The following GRID2 variants were observed in gnomAD, a reference collection of about 807,000 sequenced individuals.
GRID2 encodes glutamate receptor ionotropic, delta-2.
A neutral mutation model predicts 114.8 loss-of-function variants in GRID2; 33 were observed. The ratio of observed to expected loss-of-function variants is 0.29; its 90% confidence interval spans 0.22 to 0.38. GRID2 has a LOEUF of 0.38. GRID2 is among the 10% of genes least tolerant of loss of function. The pLI, the probability that GRID2 is intolerant of heterozygous loss-of-function variation, is 1.00. For missense variants in GRID2, 1,184 were observed against 1,257.7 expected, an observed-to-expected ratio of 0.94 and a Z score of 0.89; for synonymous variants, 505 against 449.9, an observed-to-expected ratio of 1.12 and a Z score of -1.55.
intron 2 of GRID2, among the ~76,000 whole-genome samples, chr4:92,668,429 A>T (rs541713615): frequency 6.6e-6 from 1 of 151,862 alleles, no homozygotes; most frequent in African/African-American, 2.4e-5. Context: ...TACCTCTCAT[A>T]CCCATACTGA....
intron 1 of GRID2, among the ~76,000 whole-genome samples, chr4:92,415,996 G>A (rs1579323678): frequency 1.3e-5 from 2 of 151,718 alleles, no homozygotes; most frequent in Admixed American, 6.6e-5. Flanking sequence ...TTTCCATGGT[G>A]GTTGTACTAG....
intron 2 of GRID2, among the ~76,000 whole-genome samples, chr4:92,713,459 A>G (rs1314754294): frequency 1.7e-5 from 2 of 114,358 alleles, no homozygotes; most frequent in Non-Finnish European, 3.5e-5. Context: ...GTTTACATAT[A>G]TTTACATATA....
intron 13 of GRID2, among the ~76,000 whole-genome samples, chr4:93,623,729 T>C (rs900391978): frequency 2.0e-5 from 3 of 152,206 alleles, no homozygotes; most frequent in African/African-American, 4.8e-5. Flanking sequence ...GATTTTCTAT[T>C]CTTAAATACA....
At chr4:93,336,414 A>T (rs921946164) in intron 8 of GRID2, among the ~76,000 whole-genome samples, 2 of 152,212 alleles carry the variant, frequency 1.3e-5, no homozygotes, top group African/African-American at 4.8e-5. Context: ...AATAAGCCAC[A>T]TAAATCACAG....
chr4:92,322,728 C>T (rs1726380012), intron 1 of GRID2, among the ~76,000 whole-genome samples: 2 of 152,028 alleles, frequency 1.3e-5, no homozygotes, highest in African/African-American at 4.8e-5. Context: ...CTCTTTCAAT[C>T]GCCAATAATT....
At chr4:92,471,970 G>C (rs1722063741) in intron 1 of GRID2, among the ~76,000 whole-genome samples, 1 of 43,072 alleles carries the variant, frequency 2.3e-5, no homozygotes. Context: ...GTCTCGCTCT[G>C]TCGCCCAGGC....
At chr4:92,479,142 G>GA (rs1404653303) in intron 1 of GRID2, among the ~76,000 whole-genome samples, 4 of 152,170 alleles carry the variant, frequency 2.6e-5, no homozygotes, top group South Asian at 2.1e-4. Flanking sequence ...AGTGATTTCA[G>GA]AAAAAATAAT....
In GRID2 at chr4:93,314,461, GGTAGAAGCTACTTTGCT is replaced by G. The variant is rs551096443; in HGVS notation, c.1245+75974_1245+75990del. Among the ~76,000 whole-genome samples the G allele has an allele frequency of 1.7e-4, 26 of 152,122 alleles. No individual in the cohort carries two copies. The East Asian group carries it at 5.0e-3, about 29-fold the overall frequency. ...TCCATTCCTGGATCACTCTACTGCAGGTAGAAGCTACTTTGCTGTTCACTGGAACATTCTCTTTACAA... is the reference window on the plus strand; with the variant it reads ...TCCATTCCTGGATCACTCTACTGCAGGTTCACTGGAACATTCTCTTTACAA... On this transcript the variant is annotated intron_variant, in intron 8 of 15. Coordinates refer to ENST00000282020, the MANE Select transcript of GRID2 (RefSeq NM_001510.4).
At chr4:93,264,269 C>T (rs1750559702) in intron 8 of GRID2, among the ~76,000 whole-genome samples, 1 of 151,986 alleles carries the variant, frequency 6.6e-6, no homozygotes, top group Admixed American at 6.6e-5. Flanking sequence ...ACTAAGAATC[C>T]AACAGGTAAT....
intron 4 of GRID2, among the ~76,000 whole-genome samples, chr4:93,169,295 A>G (rs1374551099): frequency 6.6e-6 from 1 of 152,172 alleles, no homozygotes; most frequent in Non-Finnish European, 1.5e-5. Flanking sequence ...CCCAGTTGAA[A>G]TATAGCAAAT....
At chr4:93,459,462 G>A (rs1723536348) in intron 11 of GRID2, among the ~76,000 whole-genome samples, 1 of 152,040 alleles carries the variant, frequency 6.6e-6, no homozygotes, top group South Asian at 2.1e-4. Context: ...CTGTAATGAT[G>A]GCTTGGATTA....
chr4:92,670,268 A>G (rs951475025), intron 2 of GRID2, among the ~76,000 whole-genome samples: 3 of 152,054 alleles, frequency 2.0e-5, no homozygotes, highest in Non-Finnish European at 2.9e-5. Context: ...AACGTTCCGC[A>G]TACTATTATG....
At chr4:93,392,360 C>T (rs924862659) in intron 8 of GRID2, among the ~76,000 whole-genome samples, 6 of 152,122 alleles carry the variant, frequency 3.9e-5, no homozygotes, top group Middle Eastern at 3.2e-3. Context: ...AGATAAGCCT[C>T]ACACTTGAAC....
chr4:92,638,482 TATAAA>T (rs949044308), intron 2 of GRID2, among the ~76,000 whole-genome samples: 114 of 147,686 alleles, frequency 7.7e-4, no homozygotes, highest in African/African-American at 2.7e-3. Context: ...ATATATAATA[TATAAA>T]ATAAAATTTT....
chr4:93,119,089 A>G (rs1733542256), intron 4 of GRID2, among the ~76,000 whole-genome samples: 2 of 152,070 alleles, frequency 1.3e-5, no homozygotes, highest in Admixed American at 1.3e-4. Context: ...GCATTGAGTT[A>G]ATTATGCTCC....
At chr4:93,573,625 C>T (rs770994332) in intron 13 of GRID2, among the ~76,000 whole-genome samples, 2 of 152,140 alleles carry the variant, frequency 1.3e-5, no homozygotes, top group African/African-American at 4.8e-5. Context: ...ATTGCTGCTG[C>T]TGGACTTTTT....
intron 1 of GRID2, among the ~76,000 whole-genome samples, chr4:92,397,339 T>C (rs1156854697): frequency 8.4e-6 from 1 of 118,366 alleles, no homozygotes; most frequent in Non-Finnish European, 1.7e-5. Flanking sequence ...TCTGTGTGTT[T>C]GTATGTGTGT....
intron 2 of GRID2, among the ~76,000 whole-genome samples, chr4:92,812,798 C>T (rs1450636949): frequency 6.6e-6 from 1 of 152,094 alleles, no homozygotes; most frequent in Non-Finnish European, 1.5e-5. Context: ...AGTCCAATAA[C>T]TCGTTGACAG....
intron 2 of GRID2, among the ~76,000 whole-genome samples, chr4:92,627,555 T>C (rs1304977752): frequency 6.6e-6 from 1 of 152,148 alleles, no homozygotes; most frequent in Non-Finnish European, 1.5e-5. Flanking sequence ...CTTTCACTGA[T>C]TTTTGCTAAC....
Sources: gnomAD v4.1 joint callset for allele counts (sites outside exome capture counted in the v4.1 genomes callset) on GRCh38, gnomAD v4.1.1 for gene constraint, MANE v1.5 for transcripts, NCBI Gene and HGNC (gene_info 2026-07-23, HGNC 2026-07-21) for gene names.